Variants in OR1J2 observed in about 807,000 individuals in gnomAD.
OR1J2 encodes olfactory receptor family 1 subfamily J member 2.
For missense variants in OR1J2, 304 were observed against 246.1 expected (o/e 1.24, Z -1.57); for synonymous variants, 142 against 99.7 (o/e 1.42, Z -2.52).
At chr9:122,553,593 G>A in the OR1J2 span, 1 of 1,614,062 alleles carries the variant, frequency 6.2e-7, no homozygotes, top group South Asian at 1.1e-5. Context: ...CCGCTATGTG[G>A]CCATCTGCCA....
the OR1J2 span, among the ~76,000 whole-genome samples, chr9:122,523,105 C>T: frequency 1.3e-5 from 2 of 152,152 alleles, no homozygotes; most frequent in African/African-American, 4.8e-5. Context: ...TCAGCAAAAG[C>T]TTTACAGGGG....
chr9:122,458,342 G>A, the OR1J2 span, among the ~76,000 whole-genome samples: 1 of 152,114 alleles, frequency 6.6e-6, no homozygotes, highest in Admixed American at 6.6e-5. Context: ...TTGAATTGTG[G>A]TGTGCTAAAG....
At chr9:122,544,995 CACA>C in the OR1J2 span, among the ~76,000 whole-genome samples, 64 of 152,162 alleles carry the variant, frequency 4.2e-4, no homozygotes, top group African/African-American at 1.5e-3. Flanking sequence ...TCCCTCTAAG[CACA>C]ACTTTAGCTG....
chr9:122,574,697 T>C, the OR1J2 span, among the ~76,000 whole-genome samples: 6 of 152,122 alleles, frequency 3.9e-5, no homozygotes, highest in African/African-American at 1.4e-4. Context: ...TCTTGTCTTA[T>C]TGCATTAGGT....
chr9:122,561,935 T>G, the OR1J2 span, among the ~76,000 whole-genome samples: 142,128 of 152,256 alleles, frequency 0.93, 66,417 homozygotes, highest in East Asian at 0.98. Context: ...GAACTAGCAG[T>G]AGGAAAAACT....
chr9:122,538,364 G>A, the OR1J2 span, among the ~76,000 whole-genome samples: 1 of 152,060 alleles, frequency 6.6e-6, no homozygotes, highest in Non-Finnish European at 1.5e-5. Context: ...GTATTTCTAG[G>A]TATCTTACTT....
At chr9:122,573,112 A>G in the OR1J2 span, among the ~76,000 whole-genome samples, 2 of 152,188 alleles carry the variant, frequency 1.3e-5, no homozygotes, top group Non-Finnish European at 2.9e-5. Flanking sequence ...TGAGCTTTCC[A>G]TGGGTTTGAG....
the OR1J2 span, among the ~76,000 whole-genome samples, chr9:122,463,038 C>A: frequency 1.3e-5 from 2 of 152,140 alleles, no homozygotes; most frequent in South Asian, 4.1e-4. Flanking sequence ...TTAGATTTCT[C>A]TTCTGTCTTG....
the OR1J2 span, chr9:122,527,279 G>C: frequency 6.2e-7 from 1 of 1,607,206 alleles, no homozygotes; most frequent in African/African-American, 1.3e-5. Flanking sequence ...CAGAAATGCT[G>C]GATTGGTTTT....
the OR1J2 span, among the ~76,000 whole-genome samples, chr9:122,555,819 G>A: frequency 2.6e-5 from 4 of 152,194 alleles, no homozygotes; most frequent in South Asian, 4.2e-4. Flanking sequence ...ACAATCTCCC[G>A]AACTAATCCT....
chr9:122,456,845 A>G, the OR1J2 span, among the ~76,000 whole-genome samples: 2 of 152,244 alleles, frequency 1.3e-5, no homozygotes, highest in African/African-American at 4.8e-5. Flanking sequence ...CAGAAATATC[A>G]TTTGGATCAG....
chr9:122,456,664 A>G, the OR1J2 span, among the ~76,000 whole-genome samples: 3 of 152,200 alleles, frequency 2.0e-5, no homozygotes, highest in Non-Finnish European at 4.4e-5. Flanking sequence ...AATCAAAACC[A>G]CAATGAGATA....
chr9:122,482,137 A>C, the OR1J2 span, among the ~76,000 whole-genome samples: 14 of 152,176 alleles, frequency 9.2e-5, no homozygotes, highest in Admixed American at 7.9e-4. Flanking sequence ...AATATCCAGA[A>C]TATATAAGGA....
At chr9:122,506,460 A>G (rs1828524481), upstream of OR1J2, among the ~76,000 whole-genome samples, 1 of 152,150 alleles carries the variant, frequency 6.6e-6, no homozygotes, top group Non-Finnish European at 1.5e-5. Context: ...CTGGGGCTGT[A>G]AACAGGAATG....
At chr9:122,566,432 T>A in the OR1J2 span, among the ~76,000 whole-genome samples, 1 of 152,050 alleles carries the variant, frequency 6.6e-6, no homozygotes, top group African/African-American at 2.4e-5. Context: ...CATATGTACA[T>A]TCATATTTAT....
At chr9:122,527,104 G>C in the OR1J2 span, 18 of 1,614,112 alleles carry the variant, frequency 1.1e-5, no homozygotes, top group Non-Finnish European at 1.4e-5. Context: ...ACAAAAGACA[G>C]GTTGGCCAAG....
chr9:122,469,204 C>T, the OR1J2 span, among the ~76,000 whole-genome samples: 64 of 152,202 alleles, frequency 4.2e-4, no homozygotes, highest in Admixed American at 9.2e-4. Context: ...TATGGCTTGG[C>T]TCTGTGTCCC....
At chr9:122,474,294 A>C in the OR1J2 span, among the ~76,000 whole-genome samples, 1 of 152,192 alleles carries the variant, frequency 6.6e-6, no homozygotes, top group Non-Finnish European at 1.5e-5. Context: ...GAACAGACAA[A>C]ATTAAATTTA....
At chr9:122,547,492 T>C in the OR1J2 span, among the ~76,000 whole-genome samples, 1 of 152,116 alleles carries the variant, frequency 6.6e-6, no homozygotes. Flanking sequence ...ATATGGTACA[T>C]TGTACTCATT....
Sources: allele counts gnomAD v4.1 joint callset (sites outside exome capture counted in the v4.1 genomes callset), GRCh38; gene constraint gnomAD v4.1.1; transcripts MANE v1.5; gene names NCBI Gene and HGNC (gene_info 2026-07-23, HGNC 2026-07-21).